ADK: variants seen among roughly 807,000 people sequenced by gnomAD.
The protein encoded by ADK is adenosine kinase, also known as N6,N6-dimethyladenosine kinase.
In ADK, 24 loss-of-function variants were observed where a neutral mutation model predicts 44.7. That is an observed-to-expected ratio of 0.54 (90% CI 0.39 to 0.76). ADK has a LOEUF of 0.76. Ranked by LOEUF, ADK falls within the 30% of genes least tolerant of loss-of-function variation. The probability of loss-of-function intolerance (pLI) is 0.00; values close to 1 mark genes in which losing one functional copy is unlikely to be tolerated. For missense variants in ADK, 321 were observed against 425.1 expected (o/e 0.76, Z 2.15); for synonymous variants, 128 against 142.6 (o/e 0.90, Z 0.73).
At chr10:74,688,644 G>T (rs760471612) in intron 10 of ADK, among the ~76,000 whole-genome samples, 1 of 152,216 alleles carries the variant, frequency 6.6e-6, no homozygotes, top group African/African-American at 2.4e-5. Flanking sequence ...GCCAGGTGCA[G>T]TGGCTTACGC....
intron 2 of ADK, among the ~76,000 whole-genome samples, chr10:74,215,363 G>C (rs1277087377): frequency 3.3e-5 from 5 of 152,194 alleles, no homozygotes; most frequent in African/African-American, 9.6e-5. Flanking sequence ...AGGTTGGAGT[G>C]CAGTGGCACA....
At chr10:74,495,140 AAAT>A (rs1239900062) in intron 6 of ADK, among the ~76,000 whole-genome samples, 1 of 152,154 alleles carries the variant, frequency 6.6e-6, no homozygotes, top group East Asian at 1.9e-4. Flanking sequence ...GTTTCATGAT[AAAT>A]AATAATGATG....
intron 6 of ADK, among the ~76,000 whole-genome samples, chr10:74,452,192 T>C (rs1406981723): frequency 1.3e-5 from 2 of 152,024 alleles, no homozygotes. Context: ...TTTAAATAAA[T>C]GAATTTTGAA....
At chr10:74,628,156 A>G (rs1292851224) in intron 9 of ADK, among the ~76,000 whole-genome samples, 1 of 152,092 alleles carries the variant, frequency 6.6e-6, no homozygotes, top group African/African-American at 2.4e-5. Flanking sequence ...TCTATTTGCA[A>G]CTCAGCTTCC....
intron 2 of ADK, among the ~76,000 whole-genome samples, chr10:74,201,962 C>G (rs1843412468): frequency 6.6e-6 from 1 of 151,886 alleles, no homozygotes; most frequent in Non-Finnish European, 1.5e-5. Context: ...TCGTTTTAAC[C>G]ATTATAAAGT....
At chr10:74,516,318 A>G (rs186418979) in intron 6 of ADK, among the ~76,000 whole-genome samples, 88 of 152,172 alleles carry the variant, frequency 5.8e-4, no homozygotes, top group African/African-American at 2.0e-3. Context: ...GAGTGCCTCT[A>G]TGCTGCCTTC....
chr10:74,623,003 G>A (rs149594403), intron 9 of ADK, among the ~76,000 whole-genome samples: 148 of 152,156 alleles, frequency 9.7e-4, no homozygotes, highest in Middle Eastern at 3.4e-3. Context: ...GTGAAACTCC[G>A]TCTCAAAAAC....
intron 6 of ADK, among the ~76,000 whole-genome samples, chr10:74,425,527 A>G (rs547691648): frequency 6.6e-6 from 1 of 152,184 alleles, no homozygotes; most frequent in Non-Finnish European, 1.5e-5. Flanking sequence ...AAAAAAAAAA[A>G]AATCCTAATT....
chr10:74,445,950 AT>A (rs1845573985), intron 6 of ADK, among the ~76,000 whole-genome samples: 4 of 152,034 alleles, frequency 2.6e-5, no homozygotes, highest in Non-Finnish European at 5.9e-5. Flanking sequence ...TTATATTTTG[AT>A]TTTAATTACT....
At chr10:74,179,071 A>G (rs1017593859) in intron 1 of ADK, among the ~76,000 whole-genome samples, 2 of 152,192 alleles carry the variant, frequency 1.3e-5, no homozygotes, top group African/African-American at 4.8e-5. Flanking sequence ...CCTGCAACGA[A>G]CTTGATAACT....
intron 9 of ADK, among the ~76,000 whole-genome samples, chr10:74,623,650 A>G (rs967880734): frequency 2.4e-4 from 37 of 151,708 alleles, no homozygotes; most frequent in African/African-American, 8.9e-4. Flanking sequence ...TGATAGTGAC[A>G]TTTACCTACA....
rs547842279 is a variant in ADK, at chr10:74,540,587, A to C, written c.726+15161A>C. Among the ~76,000 whole-genome samples, 194 of 152,030 alleles carry C rather than the reference A, an allele frequency of 1.3e-3. 1 individual carries two copies. Among genetic ancestry groups the C allele is most frequent in the African/African-American group, 4.4e-3 (182 of 41,452 alleles). On this transcript the variant is annotated intron_variant, in intron 7 of 10. Coordinates refer to ENST00000539909, the MANE Select transcript of ADK (RefSeq NM_006721.4). ...CGATTCTCAAGTCTCAGCTTTCCACATAGCTGGGATTACAGGAATGCGCCA... is the reference window on the plus strand; with the variant it reads ...CGATTCTCAAGTCTCAGCTTTCCACCTAGCTGGGATTACAGGAATGCGCCA...
chr10:74,649,968 T>C (rs917579227), intron 9 of ADK, among the ~76,000 whole-genome samples: 7 of 152,152 alleles, frequency 4.6e-5, no homozygotes, highest in Non-Finnish European at 8.8e-5. Flanking sequence ...TATGGTCCAG[T>C]GTATGTTCTC....
At chr10:74,702,940 C>T (rs1856486286) in intron 10 of ADK, among the ~76,000 whole-genome samples, 1 of 151,870 alleles carries the variant, frequency 6.6e-6, no homozygotes, top group Non-Finnish European at 1.5e-5. Context: ...TTGTTAGATG[C>T]AAGGGAAAAA....
At chr10:74,489,782 G>T (rs1395483134) in intron 6 of ADK, among the ~76,000 whole-genome samples, 1 of 151,360 alleles carries the variant, frequency 6.6e-6, no homozygotes, top group Non-Finnish European at 1.5e-5. Context: ...TATATTTTCT[G>T]CAGTTAAAAT....
chr10:74,456,446 G>A (rs750191241), intron 6 of ADK, among the ~76,000 whole-genome samples: 3 of 151,968 alleles, frequency 2.0e-5, no homozygotes, highest in Non-Finnish European at 2.9e-5. Flanking sequence ...AGGCCGAGGC[G>A]GGCGGATCAC....
At chr10:74,460,523 T>C (rs967233598) in intron 6 of ADK, among the ~76,000 whole-genome samples, 10 of 152,228 alleles carry the variant, frequency 6.6e-5, no homozygotes, top group African/African-American at 2.4e-4. Context: ...ATTAATTTTT[T>C]ACAATTCAAA....
At chr10:74,394,462 G>A in intron 5 of ADK, 149 bp downstream of exon 5, 2 of 818,284 alleles carry the variant, frequency 2.4e-6, no homozygotes, top group African/African-American at 1.7e-5. Context: ...TTCCTGTATT[G>A]TTTTTAAATT....
chr10:74,159,000 C>T (rs1277559761), intron 1 of ADK, among the ~76,000 whole-genome samples: 1 of 152,198 alleles, frequency 6.6e-6, no homozygotes, highest in Non-Finnish European at 1.5e-5. Flanking sequence ...TGAAGTTTCA[C>T]ATACTGCTTG....
Sources: allele counts gnomAD v4.1 joint callset (sites outside exome capture counted in the v4.1 genomes callset), GRCh38; gene constraint gnomAD v4.1.1; transcripts MANE v1.5; gene names NCBI Gene and HGNC (gene_info 2026-07-23, HGNC 2026-07-21).